Variants in ATP10B observed in about 807,000 individuals in gnomAD.
ATP10B encodes the protein ATPase phospholipid transporting 10B (putative).
In ATP10B, 122 loss-of-function variants were observed where a neutral mutation model predicts 141.2. The ratio of observed to expected loss-of-function variants is 0.86; its 90% CI spans 0.75 to 1.00. The LOEUF is 1.00. Among genes scored for constraint, ATP10B ranks in the 50% least tolerant of loss-of-function variants. The pLI is 0.00. For synonymous variants in ATP10B, 685 were observed against 692.0 expected, an observed-to-expected ratio of 0.99 and a Z score of 0.16; for missense variants, 1,876 against 1,825.3, an observed-to-expected ratio of 1.03 and a Z score of -0.51.
chr5:160,920,213 A>T, the ATP10B span, among the ~76,000 whole-genome samples: 1 of 152,236 alleles, frequency 6.6e-6, no homozygotes, highest in Non-Finnish European at 1.5e-5. Flanking sequence ...CCTACGGGGT[A>T]TGTAGAAGCT....
chr5:160,650,051 G>A (rs1423311738), intron 7 of ATP10B, among the ~76,000 whole-genome samples: 1 of 151,684 alleles, frequency 6.6e-6, no homozygotes, highest in Admixed American at 6.6e-5. Context: ...GGAGGTTGCA[G>A]TGAGCCAAGA....
At chr5:160,818,005 G>T (rs1773796868) in intron 1 of ATP10B, among the ~76,000 whole-genome samples, 1 of 152,024 alleles carries the variant, frequency 6.6e-6, no homozygotes, top group South Asian at 2.1e-4. Flanking sequence ...AATTCAAGAT[G>T]GATTAAAGAC....
chr5:160,873,109 C>T, the ATP10B span, among the ~76,000 whole-genome samples: 2 of 93,766 alleles, frequency 2.1e-5, no homozygotes, highest in South Asian at 5.1e-4. Context: ...AGGTATATTC[C>T]TAAGGTTTTT....
chr5:160,783,267 C>T (rs1010194823), intron 2 of ATP10B, among the ~76,000 whole-genome samples: 2 of 151,424 alleles, frequency 1.3e-5, no homozygotes, highest in African/African-American at 2.4e-5. Flanking sequence ...GAACATACGA[C>T]GTTTGGTTTC....
At chr5:160,719,866 T>C (rs925684661) in intron 2 of ATP10B, among the ~76,000 whole-genome samples, 13 of 152,314 alleles carry the variant, frequency 8.5e-5, no homozygotes, top group African/African-American at 3.1e-4. Flanking sequence ...GCTCAGATTA[T>C]AAAAGACCCA....
chr5:160,709,425 T>C (rs1765219115), intron 3 of ATP10B, among the ~76,000 whole-genome samples: 1 of 151,948 alleles, frequency 6.6e-6, no homozygotes, highest in Non-Finnish European at 1.5e-5. Flanking sequence ...AATCCAAATA[T>C]CTCCAAATCA....
intron 3 of ATP10B, among the ~76,000 whole-genome samples, chr5:160,716,586 G>A (rs1765674414): frequency 6.6e-6 from 1 of 152,144 alleles, no homozygotes; most frequent in South Asian, 2.1e-4. Context: ...AAGTTCCACT[G>A]GGAAGACGAT....
chr5:160,895,826 A>T, the ATP10B span, among the ~76,000 whole-genome samples: 3 of 152,232 alleles, frequency 2.0e-5, no homozygotes. Flanking sequence ...AATGCAAAAG[A>T]ACGGAAATCA....
intron 1 of ATP10B, among the ~76,000 whole-genome samples, chr5:160,824,024 C>T (rs1774383732): frequency 6.6e-6 from 1 of 151,850 alleles, no homozygotes; most frequent in South Asian, 2.1e-4. Context: ...CATGTTTACA[C>T]ATTTTTCTTT....
chr5:160,718,765 G>T (rs1434879856), intron 2 of ATP10B, among the ~76,000 whole-genome samples: 5 of 152,090 alleles, frequency 3.3e-5, no homozygotes, highest in Non-Finnish European at 7.4e-5. Flanking sequence ...ACCCAAGAGG[G>T]ATCCGACCCC....
intron 20 of ATP10B, among the ~76,000 whole-genome samples, chr5:160,603,463 T>C (rs559109687): frequency 2.6e-5 from 4 of 152,318 alleles, no homozygotes; most frequent in African/African-American, 9.6e-5. Flanking sequence ...TTAAAGCTCA[T>C]CAGCTATAGT....
intron 2 of ATP10B, among the ~76,000 whole-genome samples, chr5:160,761,986 T>C (rs1044195244): frequency 6.6e-6 from 1 of 152,130 alleles, no homozygotes; most frequent in Non-Finnish European, 1.5e-5. Flanking sequence ...ACTTCAGAGC[T>C]TGAAGACAAG....
intron 6 of ATP10B, among the ~76,000 whole-genome samples, chr5:160,680,072 A>C (rs948635164): frequency 2.0e-5 from 3 of 152,230 alleles, no homozygotes; most frequent in Non-Finnish European, 2.9e-5. Context: ...AATTCTGTCA[A>C]CAAGGCTTCT....
chr5:160,832,136 G>A (rs1316744188), intron 1 of ATP10B, among the ~76,000 whole-genome samples: 2 of 152,064 alleles, frequency 1.3e-5, no homozygotes, highest in Non-Finnish European at 2.9e-5. Context: ...ATGCCACAGA[G>A]CAGTATGAGA....
At chr5:160,707,351 C>T (rs1446487249) in intron 3 of ATP10B, among the ~76,000 whole-genome samples, 1 of 152,196 alleles carries the variant, frequency 6.6e-6, no homozygotes, top group Non-Finnish European at 1.5e-5. Flanking sequence ...TCTAGGACCC[C>T]CTAAGCTGGT....
At chr5:160,778,676 CT>C (rs76351688) in intron 2 of ATP10B, among the ~76,000 whole-genome samples, 1 of 152,054 alleles carries the variant, frequency 6.6e-6, no homozygotes, top group African/African-American at 2.4e-5. Flanking sequence ...AAAATATTGA[CT>C]TTTTTAAAAT....
chr5:160,709,645 C>G (rs1191456917), intron 3 of ATP10B, among the ~76,000 whole-genome samples: 2 of 135,784 alleles, frequency 1.5e-5, no homozygotes, highest in East Asian at 4.2e-4. Context: ...TTTTAGGGTA[C>G]ATGTGCACAT....
the ATP10B span, among the ~76,000 whole-genome samples, chr5:160,886,583 C>A: frequency 6.6e-6 from 1 of 152,164 alleles, no homozygotes; most frequent in Non-Finnish European, 1.5e-5. Flanking sequence ...TAATGAAGCT[C>A]ATGGAGTGAT....
At chr5:160,687,723 C>A (rs72818543) in intron 5 of ATP10B, 77 bp downstream of exon 5, 8 of 1,502,240 alleles carry the variant, frequency 5.3e-6, no homozygotes, top group Admixed American at 3.7e-5. Context: ...CGAGATTGCA[C>A]GACTATACTC....
Sources: gnomAD v4.1 joint callset for allele counts (sites outside exome capture counted in the v4.1 genomes callset) on GRCh38, gnomAD v4.1.1 for gene constraint, MANE v1.5 for transcripts, NCBI Gene and HGNC (gene_info 2026-07-23, HGNC 2026-07-21) for gene names.